The following CDH2 variants were observed in gnomAD, a reference collection of about 807,000 sequenced individuals.
CDH2 encodes cadherin 2, also known as cadherin-2.
In CDH2, 17 loss-of-function variants were observed where a neutral mutation model predicts 92.0. The observed-to-expected ratio is 0.18, with a 90% CI of 0.13 to 0.28. The LOEUF is 0.28. Among genes scored for constraint, CDH2 ranks in the 10% least tolerant of loss-of-function variants. The pLI, the probability that CDH2 is intolerant of heterozygous loss-of-function variation, is 1.00. For missense variants in CDH2, 862 were observed against 1,133.1 expected, an observed-to-expected ratio of 0.76 and a Z score of 3.44; for synonymous variants, 419 against 415.9, an observed-to-expected ratio of 1.01 and a Z score of -0.09.
Position 28,122,956 on chromosome 18 carries a change from T to C in CDH2, c.172+24717A>G, listed in dbSNP as rs144067340. ...TAGATGTTTCTAGTAAAAAACAATC[T>C]CGAGACAATTTTAGATCATGATGAA... is the stretch of plus-strand genomic sequence containing the variant. On this transcript the variant is annotated intron_variant, in intron 2 of 15. Coordinates refer to ENST00000269141, the MANE Select transcript of CDH2 (RefSeq NM_001792.5). 4.4e-3 allele frequency among the ~76,000 whole-genome samples: 664 copies of C among 152,212 alleles called. 8 individuals carry two copies. The highest frequency in any genetic ancestry group is 0.015 in the African/African-American group (633 of 41,548).
At chr18:27,975,725 C>T (rs1408581238) in intron 14 of CDH2, among the ~76,000 whole-genome samples, 2 of 152,176 alleles carry the variant, frequency 1.3e-5, no homozygotes, top group Non-Finnish European at 2.9e-5. Flanking sequence ...GTCCGTGTGA[C>T]AGCCTTTTGG....
At chr18:28,143,688 AGTT>A (rs2015990077) in intron 2 of CDH2, among the ~76,000 whole-genome samples, 4 of 78 alleles carry the variant, frequency 0.051, no homozygotes, top group East Asian at 0.5. Flanking sequence ...TTATACCATA[AGTT>A]TTTTATCATC....
chr18:27,989,746 A>C (rs568545368), intron 10 of CDH2, among the ~76,000 whole-genome samples: 1 of 152,166 alleles, frequency 6.6e-6, no homozygotes, highest in South Asian at 2.1e-4. Flanking sequence ...AGGAGAGATA[A>C]ATGTTATAAG....
intron 15 of CDH2, among the ~76,000 whole-genome samples, chr18:27,959,079 A>C (rs936039227): frequency 2.6e-5 from 4 of 152,222 alleles, no homozygotes; most frequent in African/African-American, 9.6e-5. Context: ...TTCTTTTTAC[A>C]AAGAAATACA....
chr18:28,177,057 A>AGGCGGCGGCGGAGGCGGC lies in CDH2; in HGVS notation c.-36_-35insGCCGCCTCCGCCGCCGCC, dbSNP rs2016558192. ...GAGGGGCCGAGCGAAGAGCCGGAGG[A>AGGCGGCGGCGGAGGCGGC]GGCGGCGGCGGCGGCGGCGGCGGCG... On this transcript the variant is annotated 5_prime_UTR_variant, in exon 1 of 16. Coordinates refer to ENST00000269141, the MANE Select transcript of CDH2 (RefSeq NM_001792.5). 1.5e-6 allele frequency: 2 copies of AGGCGGCGGCGGAGGCGGC among 1,292,280 alleles called. No homozygotes were observed. Among genetic ancestry groups the AGGCGGCGGCGGAGGCGGC allele is most frequent in the African/African-American group, 3.2e-5 (2 of 62,764 alleles). 80.1% of individuals were successfully genotyped at this position (1,292,280 alleles called of 1,614,324 possible).
chr18:28,151,397 A>G (rs915750686), intron 1 of CDH2, among the ~76,000 whole-genome samples: 1 of 152,212 alleles, frequency 6.6e-6, no homozygotes, highest in African/African-American at 2.4e-5. Context: ...AAATACGTAG[A>G]GCAGGGAATT....
At chr18:27,997,469 G>A (rs2012619261) in intron 7 of CDH2, among the ~76,000 whole-genome samples, 1 of 152,182 alleles carries the variant, frequency 6.6e-6, no homozygotes, top group Admixed American at 6.5e-5. Context: ...GAAGTAATAT[G>A]AAGAACCTTC....
chr18:27,952,482 T>A, intron 15 of CDH2, 123 bp from the exon 16 acceptor site: 2 of 728,942 alleles, frequency 2.7e-6, no homozygotes, highest in Non-Finnish European at 4.6e-6. Context: ...TCCATTTACA[T>A]ACCATATTTT....
chr18:28,168,794 A>C (rs942811547), intron 1 of CDH2, among the ~76,000 whole-genome samples: 11 of 152,118 alleles, frequency 7.2e-5, no homozygotes, highest in African/African-American at 2.7e-4. Flanking sequence ...AGAGAGTGTA[A>C]TTCAAAAGTT....
intron 2 of CDH2, among the ~76,000 whole-genome samples, chr18:28,116,408 C>G (rs1009172285): frequency 6.6e-6 from 1 of 152,148 alleles, no homozygotes; most frequent in African/African-American, 2.4e-5. Flanking sequence ...TGTTTTAGCA[C>G]ATTTTCTCCT....
At chr18:27,998,295 G>A (rs922365783) in intron 7 of CDH2, among the ~76,000 whole-genome samples, 20 of 152,234 alleles carry the variant, frequency 1.3e-4, no homozygotes, top group African/African-American at 4.6e-4. Context: ...GCCCAGCACA[G>A]TGCTATGCAC....
In CDH2 at chr18:28,073,233, A is replaced by T. The variant is rs186586866; in HGVS notation, c.173-59324T>A. 2.9e-3 allele frequency among the ~76,000 whole-genome samples: 440 copies of T among 152,314 alleles called. 2 individuals are homozygous for T. Among genetic ancestry groups the T allele is most frequent in the African/African-American group, 0.01 (419 of 41,582 alleles). On this transcript the variant is annotated intron_variant, in intron 2 of 15. Transcript: ENST00000269141. ...TTTACTACATCGATAAATTTGCCAA[A>T]AAATTTACTGGCCCAACATGTTTTC...
chr18:28,123,750 T>A (rs190272805), intron 2 of CDH2, among the ~76,000 whole-genome samples: 1 of 152,276 alleles, frequency 6.6e-6, no homozygotes, highest in East Asian at 1.9e-4. Flanking sequence ...GTTCTGAATT[T>A]ATTGATCAGC....
Position 27,990,291 on chromosome 18 carries a change from C to T in CDH2, c.1404G>A (p.Val468=). 6.2e-7 allele frequency: 1 copy of T among 1,613,736 alleles called. No homozygotes were observed. Among genetic ancestry groups the T allele is most frequent in the Non-Finnish European group, 8.5e-7 (1 of 1,179,686 alleles). ...GGTGCTGAATTCCCTTGGCTAATGGCACTTGATTTTCTGCAGCAACAGTAA... is the reference window on the plus strand; with the variant it reads ...GGTGCTGAATTCCCTTGGCTAATGGTACTTGATTTTCTGCAGCAACAGTAA... ...FVLTVAAENQ[V]PLAKGIQHPP... The change falls in exon 10 of 16, where the codon GTG becomes GTA. Residue 468 remains valine (V), a synonymous_variant. Transcript: ENST00000269141.
In CDH2 at chr18:27,985,596, G is replaced by C. The variant is rs2012203579; in HGVS notation, c.1907C>G (p.Pro636Arg). 2.7e-5 allele frequency: 44 copies of C among 1,613,952 alleles called. No individual in the cohort carries two copies. The highest frequency in any genetic ancestry group is 3.7e-5 in the Non-Finnish European group (44 of 1,179,888). The change falls in exon 12 of 16, where the codon CCA becomes CGA. Residue 636 changes from proline to arginine, a missense_variant. By Grantham distance (103) the Pro-to-Arg change is moderately radical. Transcript: ENST00000269141. The stretch of plus-strand genomic sequence containing the variant: ...AGATAAAGGAAGATCAAAAGCAAAT[G>C]GTCCAGCATTTGGATCAATGTCATA... Reference protein sequence around the residue: ...LDYDIDPNAGPFAFDLPLSPV... With the variant: ...LDYDIDPNAGRFAFDLPLSPV...
At chr18:28,043,109 T>G (rs2013980619) in intron 2 of CDH2, among the ~76,000 whole-genome samples, 1 of 152,094 alleles carries the variant, frequency 6.6e-6, no homozygotes, top group African/African-American at 2.4e-5. Flanking sequence ...CATGGAATAC[T>G]ACTCAGTCAT....
chr18:28,071,647 A>G (rs2014620370), intron 2 of CDH2, among the ~76,000 whole-genome samples: 1 of 152,220 alleles, frequency 6.6e-6, no homozygotes. Context: ...ACAAGTTGGC[A>G]TGCATTTTCT....
At chr18:28,164,176 T>C (rs1207798143) in intron 1 of CDH2, among the ~76,000 whole-genome samples, 1 of 152,172 alleles carries the variant, frequency 6.6e-6, no homozygotes, top group Non-Finnish European at 1.5e-5. Flanking sequence ...TTTCGGTGTT[T>C]TTCTGCCTAG....
intron 2 of CDH2, among the ~76,000 whole-genome samples, chr18:28,020,840 T>A (rs1567967433): frequency 1.3e-5 from 2 of 152,014 alleles, no homozygotes; most frequent in African/African-American, 4.8e-5. Flanking sequence ...TGTTATTTAT[T>A]TGTCAATTGT....
Sources: allele counts gnomAD v4.1 joint callset (sites outside exome capture counted in the v4.1 genomes callset), GRCh38; gene constraint gnomAD v4.1.1; transcripts MANE v1.5; gene names NCBI Gene and HGNC (gene_info 2026-07-23, HGNC 2026-07-21).